RAB11FIP4: variants seen among roughly 807,000 people sequenced by gnomAD.
RAB11FIP4 encodes the protein rab11 family-interacting protein 4.
Under a neutral mutation model 74.3 loss-of-function variants are expected in RAB11FIP4, and 23 were observed. The ratio of observed to expected loss-of-function variants is 0.31; its 90% CI spans 0.22 to 0.44. The LOEUF is 0.44. Among genes scored for constraint, RAB11FIP4 ranks in the 20% least tolerant of loss-of-function variants. The pLI is 1.00. For missense variants in RAB11FIP4, 630 were observed against 863.9 expected, an observed-to-expected ratio of 0.73 and a Z score of 3.39; for synonymous variants, 360 against 359.9, an observed-to-expected ratio of 1.00 and a Z score of 0.00.
At chr17:31,486,592 A>T (rs35093021) in intron 3 of RAB11FIP4, among the ~76,000 whole-genome samples, 118,629 of 152,164 alleles carry the variant, frequency 0.78, 46,367 homozygotes, top group East Asian at 0.94. Flanking sequence ...TGTGTGTTCT[A>T]TATGATACAC....
At chr17:31,504,095 A>AT (rs1220762223) in intron 3 of RAB11FIP4, among the ~76,000 whole-genome samples, 3 of 144,742 alleles carry the variant, frequency 2.1e-5, no homozygotes, top group Admixed American at 1.4e-4. Context: ...GGGGCAGGCT[A>AT]TTTTTTCATG....
At chr17:31,491,574 AGGTGGGAC>A (rs2072009253) in intron 3 of RAB11FIP4, among the ~76,000 whole-genome samples, 1 of 152,204 alleles carries the variant, frequency 6.6e-6, no homozygotes, top group Admixed American at 6.5e-5. Flanking sequence ...AAGGGCCCTG[AGGTGGGAC>A]GGTGGCTGGC....
intron 3 of RAB11FIP4, among the ~76,000 whole-genome samples, chr17:31,469,631 C>CAA (rs11414143): frequency 6.3e-4 from 58 of 91,652 alleles, no homozygotes; most frequent in Middle Eastern, 5.3e-3. Flanking sequence ...GACCCTCTCT[C>CAA]AAAAAAAAAA....
chr17:31,507,119 G>A (rs1177371470), intron 3 of RAB11FIP4, among the ~76,000 whole-genome samples: 1 of 152,034 alleles, frequency 6.6e-6, no homozygotes, highest in East Asian at 1.9e-4. Context: ...CTCTACTAAA[G>A]ATACAAAAAA....
At chr17:31,425,238 G>A (rs897890319) in intron 1 of RAB11FIP4, among the ~76,000 whole-genome samples, 10 of 152,194 alleles carry the variant, frequency 6.6e-5, no homozygotes, top group East Asian at 1.9e-4. Context: ...TGCATAGAGC[G>A]CTCAGAACAG....
rs538415890 is a variant in RAB11FIP4 at position 31,420,822 on chromosome 17, G to C, written c.160-10991G>C. Among the ~76,000 whole-genome samples the C allele has an allele frequency of 1.7e-3, 265 of 151,970 alleles. 1 individual carries two copies. Among genetic ancestry groups the C allele is most frequent in the African/African-American group, 6.1e-3 (254 of 41,450 alleles). On this transcript the variant is annotated intron_variant, in intron 1 of 14. Coordinates refer to ENST00000621161, the MANE Select transcript of RAB11FIP4 (RefSeq NM_032932.6). ...TTTGGGGCTGGGTGCGGTGGCTCATGCCTGTAATCTCAGCACTTTGGGAGG... is the reference window on the plus strand; with the variant it reads ...TTTGGGGCTGGGTGCGGTGGCTCATCCCTGTAATCTCAGCACTTTGGGAGG...
At chr17:31,523,841 G>A (rs2072714348) in intron 8 of RAB11FIP4, 52 bp from the exon 9 acceptor site, 13 of 1,392,278 alleles carry the variant, frequency 9.3e-6, no homozygotes, top group South Asian at 2.4e-5. Context: ...CGAGGTTCTC[G>A]GTTCTGTGGC....
At chr17:31,522,952 T>TG (rs1227125665) in intron 7 of RAB11FIP4, 1 of 174,584 alleles carries the variant, frequency 5.7e-6, no homozygotes, top group African/African-American at 2.4e-5. Context: ...GGGATGTCAC[T>TG]GGGGGTGGCA....
chr17:31,528,001 C>A, intron 11 of RAB11FIP4, 78 bp downstream of exon 11: 1 of 1,087,674 alleles, frequency 9.2e-7, no homozygotes, highest in Non-Finnish European at 1.3e-6. Context: ...AAATTCTAAA[C>A]AAATGCCGCA....
chr17:31,431,304 C>A (rs1219772755), intron 1 of RAB11FIP4, among the ~76,000 whole-genome samples: 1 of 152,146 alleles, frequency 6.6e-6, no homozygotes, highest in Admixed American at 6.5e-5. Flanking sequence ...AAACTTACTT[C>A]CTTATTCATC....
intron 3 of RAB11FIP4, among the ~76,000 whole-genome samples, chr17:31,464,749 C>CTTTTT (rs58083480): frequency 0.033 from 1,327 of 39,638 alleles, 394 homozygotes; most frequent in East Asian, 0.073. Flanking sequence ...CTGTGCCCGG[C>CTTTTT]TTTTTTTTTT....
intron 1 of RAB11FIP4, among the ~76,000 whole-genome samples, chr17:31,412,294 G>T (rs1376440860): frequency 6.6e-6 from 1 of 152,172 alleles, no homozygotes; most frequent in Non-Finnish European, 1.5e-5. Flanking sequence ...CAGAGCAGGG[G>T]TCCCACCCGT....
Position 31,408,929 on chromosome 17 carries a change from C to A in RAB11FIP4, c.159+16918C>A, listed in dbSNP as rs187178815. 2.6e-5 allele frequency among the ~76,000 whole-genome samples: 4 copies of A among 152,362 alleles called. No homozygotes were observed. The East Asian group carries it at 7.7e-4, about 29-fold the overall frequency. On this transcript the variant is annotated intron_variant, in intron 1 of 14. Coordinates refer to ENST00000621161, the MANE Select transcript of RAB11FIP4 (RefSeq NM_032932.6). Reference sequence around the variant, plus strand: ...AGGGGGCCAGCAAGAGGCCATCAGGCCTCCTGCTATGGTTCAGGGGAGGAC... The same window carrying A: ...AGGGGGCCAGCAAGAGGCCATCAGGACTCCTGCTATGGTTCAGGGGAGGAC...
At chr17:31,424,670 G>A (rs1055550647) in intron 1 of RAB11FIP4, among the ~76,000 whole-genome samples, 1 of 150,318 alleles carries the variant, frequency 6.7e-6, no homozygotes, top group South Asian at 2.1e-4. Flanking sequence ...CCGCCTCCCA[G>A]GTTCAAGTGA....
At chr17:31,493,505 C>T (rs1383532026) in intron 3 of RAB11FIP4, among the ~76,000 whole-genome samples, 11 of 151,944 alleles carry the variant, frequency 7.2e-5, no homozygotes, top group African/African-American at 2.2e-4. Context: ...GGGGTGTCTA[C>T]CCTCTGCACC....
At chr17:31,448,570 A>G (rs2071492874) in intron 3 of RAB11FIP4, 1 of 152,012 alleles carries the variant, frequency 6.6e-6, no homozygotes, top group African/African-American at 2.4e-5. Context: ...TGTTCATTTT[A>G]GTAACAAAAC....
intron 3 of RAB11FIP4, among the ~76,000 whole-genome samples, chr17:31,486,052 G>A (rs1009001094): frequency 7.1e-6 from 1 of 140,790 alleles, no homozygotes; most frequent in Non-Finnish European, 1.5e-5. Context: ...TGGCCAATAT[G>A]GTGAAACCCC....
In RAB11FIP4 at chr17:31,537,590, G is replaced by T. The variant is rs1050410384; in HGVS notation, c.*5858G>T. On this transcript the variant is annotated 3_prime_UTR_variant, in exon 15 of 15. Coordinates refer to ENST00000621161, the MANE Select transcript of RAB11FIP4 (RefSeq NM_032932.6). ...TGGGACCGCAGCCGCTCCGTGCACT[G>T]TCTCTGCCCCCAGAGGAAGCCCTGT... is the stretch of plus-strand genomic sequence containing the variant. The T allele has an allele frequency of 1.8e-5, 3 of 168,106 alleles. No homozygotes were observed. The highest frequency in any genetic ancestry group is 7.1e-5 in the African/African-American group (3 of 42,196). 10.4% of individuals were successfully genotyped at this position (168,106 alleles called of 1,614,324 possible).
chr17:31,492,772 G>C (rs560346365), intron 3 of RAB11FIP4, among the ~76,000 whole-genome samples: 112 of 152,320 alleles, frequency 7.4e-4, no homozygotes, highest in African/African-American at 2.5e-3. Context: ...ATTCAAGGCT[G>C]AGTGGATGCT....
Sources: allele counts gnomAD v4.1 joint callset (sites outside exome capture counted in the v4.1 genomes callset), GRCh38; gene constraint gnomAD v4.1.1; transcripts MANE v1.5; gene names NCBI Gene and HGNC (gene_info 2026-07-23, HGNC 2026-07-21).